The following TBL1XR1 variants were observed in gnomAD, a reference collection of about 807,000 sequenced individuals.
The protein encoded by TBL1XR1 is F-box-like/WD repeat-containing protein TBL1XR1.
A neutral mutation model predicts 66.9 loss-of-function variants in TBL1XR1; 5 were observed. The ratio of observed to expected loss-of-function variants is 0.07; its 90% CI spans 0.04 to 0.16. TBL1XR1 has a LOEUF of 0.16. TBL1XR1 is among the 10% of genes least tolerant of loss of function. TBL1XR1 has a pLI of 1.00. For synonymous variants in TBL1XR1, 210 were observed against 206.0 expected, an observed-to-expected ratio of 1.02 and a Z score of -0.17; for missense variants, 238 against 623.2, an observed-to-expected ratio of 0.38 and a Z score of 6.58.
intron 1 of TBL1XR1, among the ~76,000 whole-genome samples, chr3:177,106,146 A>G (rs1011282438): frequency 3.3e-5 from 5 of 152,186 alleles, no homozygotes; most frequent in African/African-American, 9.7e-5. Flanking sequence ...TCAAAACATA[A>G]TAACAAAAAA....
intron 10 of TBL1XR1, chr3:177,044,971 A>T (rs921101437): frequency 6.6e-6 from 1 of 152,206 alleles, no homozygotes; most frequent in African/African-American, 2.4e-5. Context: ...AAAGATGAAA[A>T]GGAAGCACAA....
intron 1 of TBL1XR1, among the ~76,000 whole-genome samples, chr3:177,142,872 G>A (rs2108824612): frequency 6.6e-6 from 1 of 152,104 alleles, no homozygotes; most frequent in Admixed American, 6.6e-5. Flanking sequence ...ACAAAATGAT[G>A]AAAAATTTGA....
At chr3:177,201,648 G>T (rs1737343380), upstream of TBL1XR1, 1 of 151,992 alleles carries the variant, frequency 6.6e-6, no homozygotes, top group South Asian at 2.1e-4. Flanking sequence ...TCTACATAAA[G>T]TATTCAAAAC....
At chr3:177,041,345 T>C (rs1215564549) in intron 10 of TBL1XR1, among the ~76,000 whole-genome samples, 1 of 152,156 alleles carries the variant, frequency 6.6e-6, no homozygotes, top group African/African-American at 2.4e-5. Context: ...CTTGGTTCAA[T>C]GTAAGAAAAA....
chr3:177,050,233 A>G (rs1359668512), intron 6 of TBL1XR1, 95 bp from the exon 7 acceptor site: 1 of 1,439,302 alleles, frequency 6.9e-7, no homozygotes, highest in East Asian at 2.3e-5. Context: ...TAAGGCAAAT[A>G]AAAACGACTA....
intron 3 of TBL1XR1, among the ~76,000 whole-genome samples, chr3:177,063,437 A>G (rs1718766571): frequency 6.6e-6 from 1 of 152,154 alleles, no homozygotes; most frequent in African/African-American, 2.4e-5. Flanking sequence ...GATCCTTCAC[A>G]ATGGTTTTTG....
At chr3:177,032,848 TA>T in intron 14 of TBL1XR1, 122 bp downstream of exon 14, 1 of 802,082 alleles carries the variant, frequency 1.2e-6, no homozygotes, top group Non-Finnish European at 1.7e-6. Context: ...TATCTTATTT[TA>T]AAACCAATAA....
intron 6 of TBL1XR1, among the ~76,000 whole-genome samples, 154 bp from the exon 7 acceptor site, chr3:177,050,292 C>T (rs906318178): frequency 2.0e-5 from 3 of 152,098 alleles, no homozygotes; most frequent in Admixed American, 6.6e-5. Flanking sequence ...CGTTGGGACC[C>T]CCAAGCATTC....
intron 1 of TBL1XR1, among the ~76,000 whole-genome samples, chr3:177,146,834 ACT>A (rs1488684239): frequency 1.3e-5 from 2 of 152,096 alleles, no homozygotes; most frequent in Non-Finnish European, 2.9e-5. Flanking sequence ...ATAGTGAGTC[ACT>A]GTTTCAAGCG....
chr3:177,104,122 A>AC (rs1336174104), intron 1 of TBL1XR1, among the ~76,000 whole-genome samples: 1 of 102,978 alleles, frequency 9.7e-6, no homozygotes, highest in African/African-American at 3.4e-5. Flanking sequence ...TCTCCAAAAA[A>AC]AAAAAAAAGA....
chr3:177,103,268 A>G (rs1278542139), intron 1 of TBL1XR1, among the ~76,000 whole-genome samples: 2 of 152,206 alleles, frequency 1.3e-5, no homozygotes, highest in Non-Finnish European at 2.9e-5. Context: ...CAAGAAGTAC[A>G]TGATCAATCA....
At chr3:177,095,305 C>G (rs1723334718) in intron 2 of TBL1XR1, among the ~76,000 whole-genome samples, 2 of 151,976 alleles carry the variant, frequency 1.3e-5, no homozygotes, top group South Asian at 4.2e-4. Flanking sequence ...GCCCAGATCA[C>G]ACCACTGCAC....
intron 1 of TBL1XR1, chr3:177,120,947 T>G (rs1195223713): frequency 6.6e-6 from 1 of 152,202 alleles, no homozygotes; most frequent in Admixed American, 6.5e-5. Flanking sequence ...TTTGCTTAAA[T>G]TTATACAATT....
At chr3:177,026,655 ACCAG>A (rs1392806155) in intron 14 of TBL1XR1, 181 bp from the exon 15 acceptor site, 9 of 520,776 alleles carry the variant, frequency 1.7e-5, no homozygotes, top group Non-Finnish European at 3.0e-5. Context: ...AAAAGATAAT[ACCAG>A]CCTGTTCTCA....
intron 3 of TBL1XR1, among the ~76,000 whole-genome samples, chr3:177,063,460 A>C (rs568833084): frequency 6.6e-6 from 1 of 152,198 alleles, no homozygotes; most frequent in Non-Finnish European, 1.5e-5. Context: ...CCAGTGTCCA[A>C]AAGTCTCAAA....
intron 1 of TBL1XR1, among the ~76,000 whole-genome samples, chr3:177,177,662 C>T (rs73041617): frequency 0.034 from 5,168 of 152,174 alleles, 227 homozygotes; most frequent in African/African-American, 0.1. Flanking sequence ...CCCCTAAATG[C>T]TAACCTTTTA....
chr3:177,024,210 C>T lies in TBL1XR1; in HGVS notation c.*1288G>A, dbSNP rs1712766158. ...CAGGAAGAAGGTTAGTGCAATTATA[C>T]TTTCATTAAAAAAAATTCTGAATCA... On this transcript the variant is annotated 3_prime_UTR_variant, in exon 16 of 16. Transcript: ENST00000457928. 6.6e-6 allele frequency: 1 copy of T among 152,390 alleles called. No homozygotes were observed. 9.4% of individuals were successfully genotyped at this position (152,390 alleles called of 1,614,324 possible).
rs1731132138 is a variant in TBL1XR1 at position 177,153,433 on chromosome 3, GTAAT to G, written c.-122+43684_-122+43687del. On this transcript the variant is annotated intron_variant, in intron 1 of 15. Transcript: ENST00000457928. ...TCATTTCAAAAGTTCCTCTAAATGAGTAATTAACTGTTTAAAGTAAAAATAATAT... is the reference window on the plus strand; with the variant it reads ...TCATTTCAAAAGTTCCTCTAAATGAGTAACTGTTTAAAGTAAAAATAATAT... 3.9e-5 allele frequency among the ~76,000 whole-genome samples: 6 copies of G among 152,202 alleles called. No homozygotes were observed. In the South Asian group the frequency reaches 1.2e-3, roughly 32 times the overall value.
intron 1 of TBL1XR1, among the ~76,000 whole-genome samples, chr3:177,196,849 C>T (rs1559980023): frequency 6.6e-6 from 1 of 151,804 alleles, no homozygotes; most frequent in Non-Finnish European, 1.5e-5. Context: ...TGAGGATCCC[C>T]CGAGACCGGG....
Sources: allele counts gnomAD v4.1 joint callset (sites outside exome capture counted in the v4.1 genomes callset), GRCh38; gene constraint gnomAD v4.1.1; transcripts MANE v1.5; gene names NCBI Gene and HGNC (gene_info 2026-07-23, HGNC 2026-07-21).